The following TNFSF4 variants were observed in gnomAD, a reference collection of about 807,000 sequenced individuals.
The protein encoded by TNFSF4 is TNF superfamily member 4, also known as tumor necrosis factor ligand superfamily member 4.
TNFSF4 carries 4 observed loss-of-function variants against 7.3 expected under a neutral mutation model. The ratio of observed to expected loss-of-function variants is 0.55; its 90% CI spans 0.27 to 1.25. TNFSF4 has a LOEUF of 1.25. Ranked by LOEUF, TNFSF4 falls within the 50% of genes most tolerant of loss-of-function variation. The pLI is 0.12. For synonymous variants in TNFSF4, 76 were observed against 83.7 expected (o/e 0.91, Z 0.50); for missense variants, 181 against 208.8 (o/e 0.87, Z 0.82).
At chr1:173,310,450 A>AT in the TNFSF4 span, among the ~76,000 whole-genome samples, 1 of 151,876 alleles carries the variant, frequency 6.6e-6, no homozygotes, top group African/African-American at 2.4e-5. Flanking sequence ...ACATACAGGG[A>AT]TTTTTCAACT....
At chr1:173,356,731 G>A in the TNFSF4 span, among the ~76,000 whole-genome samples, 2 of 152,182 alleles carry the variant, frequency 1.3e-5, no homozygotes, top group African/African-American at 4.8e-5. Flanking sequence ...GTTGCCAATT[G>A]CCTTTGAGAG....
the TNFSF4 span, among the ~76,000 whole-genome samples, chr1:173,402,810 A>G: frequency 6.6e-6 from 1 of 151,986 alleles, no homozygotes; most frequent in Non-Finnish European, 1.5e-5. Context: ...TCATACCCAG[A>G]GTTTCTGATT....
chr1:173,232,053 C>T, the TNFSF4 span, among the ~76,000 whole-genome samples: 1 of 152,062 alleles, frequency 6.6e-6, no homozygotes, highest in Non-Finnish European at 1.5e-5. Flanking sequence ...ATAAATTACC[C>T]TGGGCAGTAT....
chr1:173,205,777 G>A (rs530753828), intron 1 of TNFSF4: 48 of 168,684 alleles, frequency 2.8e-4, no homozygotes, highest in African/African-American at 1.1e-3. Flanking sequence ...CCCTCTCCCC[G>A]AGTCGCCTAC....
At chr1:173,188,374 T>C (rs1649321894) in intron 2 of TNFSF4, 147 bp downstream of exon 2, 5 of 651,926 alleles carry the variant, frequency 7.7e-6, no homozygotes, top group Non-Finnish European at 1.1e-5. Context: ...GAAAATAATA[T>C]GCAGGCTACA....
At chr1:173,317,789 T>C in the TNFSF4 span, among the ~76,000 whole-genome samples, 1 of 152,178 alleles carries the variant, frequency 6.6e-6, no homozygotes, top group Non-Finnish European at 1.5e-5. Flanking sequence ...TCAATAGGAT[T>C]TTTCCGTTAG....
the TNFSF4 span, among the ~76,000 whole-genome samples, chr1:173,412,825 G>T: frequency 6.6e-6 from 1 of 152,180 alleles, no homozygotes; most frequent in Admixed American, 6.5e-5. Context: ...CTCAATCTCA[G>T]TAATGATTCC....
the TNFSF4 span, among the ~76,000 whole-genome samples, chr1:173,442,388 C>T: frequency 6.6e-6 from 1 of 152,034 alleles, no homozygotes; most frequent in Admixed American, 6.6e-5. Context: ...CCCTTCAAAA[C>T]AAAACCAAAT....
At chr1:173,335,168 A>T in the TNFSF4 span, among the ~76,000 whole-genome samples, 3 of 152,178 alleles carry the variant, frequency 2.0e-5, no homozygotes, top group Non-Finnish European at 4.4e-5. Context: ...AACATGGAAC[A>T]AACAGTGGCC....
chr1:173,345,470 A>G, the TNFSF4 span, among the ~76,000 whole-genome samples: 1 of 152,226 alleles, frequency 6.6e-6, no homozygotes, highest in Non-Finnish European at 1.5e-5. Context: ...GTGGAGATTT[A>G]CAGCCAAAAA....
At chr1:173,399,480 G>C in the TNFSF4 span, among the ~76,000 whole-genome samples, 2 of 152,056 alleles carry the variant, frequency 1.3e-5, no homozygotes, top group Non-Finnish European at 2.9e-5. Flanking sequence ...AGACATAGAA[G>C]TATACAGTAA....
intron 1 of TNFSF4, among the ~76,000 whole-genome samples, chr1:173,192,157 C>T (rs916602832): frequency 5.9e-5 from 9 of 152,202 alleles, no homozygotes; most frequent in African/African-American, 1.7e-4. Context: ...GCATGTCCCT[C>T]CATCTGTCTC....
At chr1:173,221,819 A>G in the TNFSF4 span, among the ~76,000 whole-genome samples, 1 of 152,216 alleles carries the variant, frequency 6.6e-6, no homozygotes, top group African/African-American at 2.4e-5. Flanking sequence ...ATTTTTCTTT[A>G]CACAGTAGCA....
At chr1:173,348,963 C>A in the TNFSF4 span, among the ~76,000 whole-genome samples, 1 of 152,146 alleles carries the variant, frequency 6.6e-6, no homozygotes, top group Non-Finnish European at 1.5e-5. Flanking sequence ...GTCTGAACAA[C>A]GGTGAGCAGT....
chr1:173,198,330 T>C (rs1172632014), intron 1 of TNFSF4, among the ~76,000 whole-genome samples: 1 of 152,210 alleles, frequency 6.6e-6, no homozygotes, highest in Non-Finnish European at 1.5e-5. Context: ...AATGAAAAAT[T>C]TCCATTTCAA....
chr1:173,206,129 T>G (rs1203366188), intron 1 of TNFSF4, among the ~76,000 whole-genome samples: 1 of 152,128 alleles, frequency 6.6e-6, no homozygotes, highest in Non-Finnish European at 1.5e-5. Flanking sequence ...GGAGAAACAT[T>G]TCTAACCCAA....
intron 1 of TNFSF4, among the ~76,000 whole-genome samples, chr1:173,200,441 T>C (rs1018570889): frequency 1.3e-5 from 2 of 152,224 alleles, no homozygotes; most frequent in South Asian, 2.1e-4. Flanking sequence ...TACCCGTCCA[T>C]TCTAAAAAAC....
chr1:173,336,566 A>G, the TNFSF4 span, among the ~76,000 whole-genome samples: 1 of 152,136 alleles, frequency 6.6e-6, no homozygotes, highest in African/African-American at 2.4e-5. Context: ...TTCACTGTCT[A>G]CCTCAGGGGT....
intron 1 of TNFSF4, among the ~76,000 whole-genome samples, chr1:173,196,495 C>CCT (rs1649703305): frequency 6.6e-6 from 1 of 152,122 alleles, no homozygotes; most frequent in Admixed American, 6.5e-5. Context: ...CTCATAGCCA[C>CCT]CTCTCTCTCT....
Sources: allele counts gnomAD v4.1 joint callset (sites outside exome capture counted in the v4.1 genomes callset), GRCh38; gene constraint gnomAD v4.1.1; transcripts MANE v1.5; gene names NCBI Gene and HGNC (gene_info 2026-07-23, HGNC 2026-07-21).